The following BICC1 variants were observed in gnomAD, a reference collection of about 807,000 sequenced individuals.
BICC1 encodes BicC family RNA binding protein 1.
In BICC1, 43 loss-of-function variants were observed where a neutral mutation model predicts 111.0. The ratio of observed to expected loss-of-function variants is 0.39; its 90% CI spans 0.30 to 0.50. The LOEUF is 0.50. Ranked by LOEUF, BICC1 falls within the 20% of genes least tolerant of loss-of-function variation. The pLI, the probability that BICC1 is intolerant of heterozygous loss-of-function variation, is 0.88. For synonymous variants in BICC1, 467 were observed against 434.4 expected, an observed-to-expected ratio of 1.07 and a Z score of -0.93; for missense variants, 1,091 against 1,203.2, an observed-to-expected ratio of 0.91 and a Z score of 1.38.
At chr10:58,573,883 C>T (rs1305686589) in intron 1 of BICC1, among the ~76,000 whole-genome samples, 1 of 152,084 alleles carries the variant, frequency 6.6e-6, no homozygotes, top group African/African-American at 2.4e-5. Flanking sequence ...GGTTTGTAGA[C>T]CCTGTTTAGT....
intron 2 of BICC1, among the ~76,000 whole-genome samples, chr10:58,679,669 C>T (rs1241327691): frequency 6.6e-6 from 1 of 152,140 alleles, no homozygotes. Flanking sequence ...AGAGAGACTC[C>T]TCTCTAACTC....
intron 12 of BICC1, 124 bp downstream of exon 12, chr10:58,799,376 C>G (rs1843465731): frequency 1.7e-6 from 1 of 601,620 alleles, no homozygotes; most frequent in Non-Finnish European, 2.5e-6. Context: ...AGATAAACCC[C>G]TGGTAAAGTT....
intron 2 of BICC1, among the ~76,000 whole-genome samples, chr10:58,660,598 G>A (rs1039394668): frequency 6.6e-6 from 1 of 152,040 alleles, no homozygotes; most frequent in Non-Finnish European, 1.5e-5. Flanking sequence ...GATCCTCAGT[G>A]TATTAACTTT....
At chr10:58,768,192 G>A (rs1194892457) in intron 3 of BICC1, among the ~76,000 whole-genome samples, 2 of 152,032 alleles carry the variant, frequency 1.3e-5, no homozygotes, top group Non-Finnish European at 2.9e-5. Context: ...AAAACAGCAA[G>A]AGAAAAGAGA....
intron 3 of BICC1, among the ~76,000 whole-genome samples, chr10:58,708,002 A>ATTTTCT (rs1840444576): frequency 9.2e-6 from 1 of 108,364 alleles, no homozygotes; most frequent in Non-Finnish European, 1.8e-5. Context: ...TAGCCAGCTA[A>ATTTTCT]TTTTTTTTTT....
chr10:58,627,767 A>G (rs1837675271), intron 2 of BICC1, among the ~76,000 whole-genome samples: 2 of 152,142 alleles, frequency 1.3e-5, no homozygotes, highest in Admixed American at 6.6e-5. Flanking sequence ...CATAGGACAA[A>G]CTTGGTCTTA....
At chr10:58,525,709 TAAAA>T (rs1463978465) in intron 1 of BICC1, among the ~76,000 whole-genome samples, 1 of 151,530 alleles carries the variant, frequency 6.6e-6, no homozygotes, top group Admixed American at 6.6e-5. Context: ...ACTTTAATAA[TAAAA>T]AAAATTTTTT....
intron 1 of BICC1, among the ~76,000 whole-genome samples, chr10:58,607,285 C>T (rs1474986260): frequency 3.7e-5 from 2 of 54,132 alleles, no homozygotes; most frequent in African/African-American, 9.6e-5. Context: ...CATGGCACTC[C>T]AGCCTGGGCA....
At chr10:58,625,312 G>A (rs1454288035) in intron 2 of BICC1, among the ~76,000 whole-genome samples, 2 of 152,114 alleles carry the variant, frequency 1.3e-5, no homozygotes, top group African/African-American at 4.8e-5. Context: ...ATCTTGGAGG[G>A]GAAAATGGGT....
At chr10:58,799,895 T>C (rs1843484343) in intron 12 of BICC1, among the ~76,000 whole-genome samples, 1 of 152,208 alleles carries the variant, frequency 6.6e-6, no homozygotes, top group South Asian at 2.1e-4. Context: ...AAAATTATGT[T>C]TGTAGTGTGA....
At chr10:58,561,099 C>T (rs1358912856) in intron 1 of BICC1, among the ~76,000 whole-genome samples, 1 of 151,934 alleles carries the variant, frequency 6.6e-6, no homozygotes, top group Non-Finnish European at 1.5e-5. Context: ...ATTTTTCTAT[C>T]TAGATGACCT....
At chr10:58,553,801 T>G (rs945447792) in intron 1 of BICC1, among the ~76,000 whole-genome samples, 5 of 151,978 alleles carry the variant, frequency 3.3e-5, no homozygotes, top group Non-Finnish European at 7.4e-5. Flanking sequence ...CTAACACTTC[T>G]TTGTCATTTT....
intron 3 of BICC1, among the ~76,000 whole-genome samples, chr10:58,721,143 G>C (rs1234542039): frequency 6.6e-6 from 1 of 152,280 alleles, no homozygotes; most frequent in East Asian, 1.9e-4. Context: ...CCTTCTCTTC[G>C]TGGGACAATT....
intron 3 of BICC1, chr10:58,715,838 AAAAAG>A (rs1208113324): frequency 9.4e-6 from 12 of 1,277,574 alleles, no homozygotes; most frequent in Admixed American, 2.0e-5. Context: ...CAGAGAAAGA[AAAAAG>A]AAAAGAAGAA....
chr10:58,732,440 T>C (rs1489041996), intron 3 of BICC1, among the ~76,000 whole-genome samples: 2 of 96,768 alleles, frequency 2.1e-5, no homozygotes, highest in South Asian at 3.7e-4. Flanking sequence ...TATATATATA[T>C]ACTGGTCAGT....
intron 2 of BICC1, among the ~76,000 whole-genome samples, chr10:58,698,095 G>A (rs954123613): frequency 3.3e-5 from 5 of 152,182 alleles, no homozygotes; most frequent in Non-Finnish European, 7.3e-5. Context: ...TTGACTTCCC[G>A]AAAGTGAGTA....
Position 58,828,991 on chromosome 10 carries a change from C to A in BICC1, c.*100C>A. ...ACACCATCCTTAGCACTCTGGGTGT[C>A]TGGTATCAGGACCAAAGCATTTTAT... On this transcript the variant is annotated 3_prime_UTR_variant, in exon 21 of 21. Transcript: ENST00000373886. 1 of 1,431,824 alleles carries A rather than the reference C, an allele frequency of 7.0e-7. No individual in the cohort carries two copies. The allele number at this position is 1,431,824 out of a possible 1,614,324, so 88.7% of individuals were successfully genotyped here. A position where few individuals can be genotyped will look rare whatever the true frequency, so the allele number is the denominator to read the frequency against.
intron 1 of BICC1, among the ~76,000 whole-genome samples, chr10:58,595,224 A>G (rs1588906568): frequency 6.6e-6 from 1 of 152,252 alleles, no homozygotes; most frequent in South Asian, 2.1e-4. Context: ...GCAAGTTCTT[A>G]GAGACCTGCA....
intron 3 of BICC1, among the ~76,000 whole-genome samples, chr10:58,740,336 T>C (rs996415696): frequency 3.3e-5 from 5 of 152,224 alleles, no homozygotes; most frequent in Admixed American, 1.3e-4. Flanking sequence ...ATTTAGAAAT[T>C]ATATTTTGGA....
Sources: allele counts gnomAD v4.1 joint callset (sites outside exome capture counted in the v4.1 genomes callset), GRCh38; gene constraint gnomAD v4.1.1; transcripts MANE v1.5; gene names NCBI Gene and HGNC (gene_info 2026-07-23, HGNC 2026-07-21).